Variants in ZNF714 observed in about 807,000 individuals in gnomAD.
ZNF714 encodes the protein zinc finger protein 714.
In ZNF714, 32 loss-of-function variants were observed where a neutral mutation model predicts 46.2. The observed-to-expected ratio is 0.69, with a 90% CI of 0.52 to 0.93. The LOEUF is 0.93. Ranked by LOEUF, ZNF714 falls within the 40% of genes least tolerant of loss-of-function variation. The pLI is 0.00. For synonymous variants in ZNF714, 199 were observed against 213.1 expected (o/e 0.93, Z 0.58); for missense variants, 635 against 646.3 (o/e 0.98, Z 0.19).
At chr19:21,083,243 C>T (rs761447896) in intron 1 of ZNF714, among the ~76,000 whole-genome samples, 1 of 152,172 alleles carries the variant, frequency 6.6e-6, no homozygotes, top group Non-Finnish European at 1.5e-5. Flanking sequence ...GCATGTTGGT[C>T]AGGCTGGTCT....
At chr19:21,097,201 G>A (rs563103918) in intron 2 of ZNF714, among the ~76,000 whole-genome samples, 1 of 152,238 alleles carries the variant, frequency 6.6e-6, no homozygotes, top group South Asian at 2.1e-4. Context: ...GGAAGTTCTG[G>A]AGAAAATTAT....
At chr19:21,108,377 CTA>C (rs751587089) in intron 4 of ZNF714, among the ~76,000 whole-genome samples, 20 of 152,318 alleles carry the variant, frequency 1.3e-4, no homozygotes, top group Non-Finnish European at 2.6e-4. Context: ...GTTTGGATGT[CTA>C]TGTCCTGCAA....
At chr19:21,082,387 G>C (rs1409459417) in intron 1 of ZNF714, 39 bp downstream of exon 1, 9 of 1,456,644 alleles carry the variant, frequency 6.2e-6, no homozygotes, top group Non-Finnish European at 8.4e-6. Flanking sequence ...AGAGGGGAAG[G>C]GGCGGGTTGT....
rs1969691167 is a variant in ZNF714 at position 21,120,795 on chromosome 19, A to G, written c.*2463A>G. On this transcript the variant is annotated 3_prime_UTR_variant, in exon 5 of 5. Transcript: ENST00000456283. The stretch of plus-strand genomic sequence containing the variant: ...TTTTTTGCCAGTGGCTTTAAACCGC[A>G]AATAAGTTAAAGAATATTGTTTCTG... The G allele has an allele frequency of 6.6e-6, 1 of 152,144 alleles. No individual in the cohort carries two copies. Among genetic ancestry groups the G allele is most frequent in the South Asian group, 2.1e-4 (1 of 4,824 alleles). 9.4% of individuals were successfully genotyped at this position (152,144 alleles called of 1,614,324 possible). A position where few individuals can be genotyped will look rare whatever the true frequency, so the allele number is the denominator to read the frequency against.
rs748684681 is a variant in ZNF714, at chr19:21,124,067, C to G, written c.*5735C>G. 1.3e-5 allele frequency: 2 copies of G among 152,174 alleles called. No individual in the cohort carries two copies. The highest frequency in any genetic ancestry group is 1.3e-4 in the Admixed American group (2 of 15,280). 9.4% of individuals were successfully genotyped at this position (152,174 alleles called of 1,614,324 possible). On this transcript the variant is annotated 3_prime_UTR_variant, in exon 5 of 5. Coordinates refer to ENST00000456283, the MANE Select transcript of ZNF714 (RefSeq NM_182515.4). The stretch of plus-strand genomic sequence containing the variant: ...GCTTTCATACCATTACCACCAGTAC[C>G]AGAAACTCCAGGTGGCCCAAGCTTA...
chr19:21,093,547 TG>T (rs1303430626), intron 2 of ZNF714, among the ~76,000 whole-genome samples: 23 of 152,198 alleles, frequency 1.5e-4, no homozygotes, highest in South Asian at 4.1e-4. Flanking sequence ...TTTTTGTTTT[TG>T]TTTTTTTGTT....
At chr19:21,109,509 G>A (rs1381440022) in intron 4 of ZNF714, 1 of 195,010 alleles carries the variant, frequency 5.1e-6, no homozygotes, top group Non-Finnish European at 9.3e-6. Flanking sequence ...TTTTAAATAA[G>A]TAGTTTAATT....
intron 2 of ZNF714, among the ~76,000 whole-genome samples, chr19:21,084,291 G>A (rs1366203892): frequency 6.6e-6 from 1 of 151,928 alleles, no homozygotes; most frequent in African/African-American, 2.4e-5. Context: ...CCAGCAGTCA[G>A]GATTTTTTCC....
intron 3 of ZNF714, 87 bp downstream of exon 3, chr19:21,098,398 CTTTGT>C: frequency 6.7e-7 from 1 of 1,500,046 alleles, no homozygotes. Flanking sequence ...GTAATTTATG[CTTTGT>C]ATAAATGAGT....
In ZNF714 at chr19:21,118,741, A is replaced by G; in HGVS notation, c.*409A>G. Reference sequence around the variant, plus strand: ...ACATAACATAATTCATACTGGAAAGAAACTCTGCAAACCAGAAAGATCTGG... The same window carrying G: ...ACATAACATAATTCATACTGGAAAGGAACTCTGCAAACCAGAAAGATCTGG... On this transcript the variant is annotated 3_prime_UTR_variant, in exon 5 of 5. Coordinates refer to ENST00000456283, the MANE Select transcript of ZNF714 (RefSeq NM_182515.4). The G allele has an allele frequency of 4.8e-6, 1 of 209,982 alleles. No individual in the cohort carries two copies. The allele number at this position is 209,982 out of a possible 1,614,324, so 13.0% of individuals were successfully genotyped here. A position where few individuals can be genotyped will look rare whatever the true frequency, so the allele number is the denominator to read the frequency against.
intron 3 of ZNF714, 31 bp from the exon 4 acceptor site, chr19:21,098,781 G>A (rs1969100729): frequency 6.6e-7 from 1 of 1,523,476 alleles, no homozygotes; most frequent in Non-Finnish European, 9.0e-7. Flanking sequence ...GAGAATATAA[G>A]CAAGATTTAT....
At chr19:21,083,238 T>C (rs1968699485) in intron 1 of ZNF714, among the ~76,000 whole-genome samples, 1 of 152,088 alleles carries the variant, frequency 6.6e-6, no homozygotes, top group African/African-American at 2.4e-5. Flanking sequence ...TTTCTGCATG[T>C]TGGTCAGGCT....
In ZNF714 at chr19:21,121,318, A is replaced by G. The variant is rs1969701082; in HGVS notation, c.*2986A>G. On this transcript the variant is annotated 3_prime_UTR_variant, in exon 5 of 5. Transcript: ENST00000456283. The stretch of plus-strand genomic sequence containing the variant: ...CATGATCTGCCTGCCTTGACCTCCC[A>G]AAGTGCTGGGATTACAGGCATGAGC... 1 of 152,094 alleles carries G rather than the reference A, an allele frequency of 6.6e-6. No individual in the cohort carries two copies. The highest frequency in any genetic ancestry group is 2.4e-5 in the African/African-American group (1 of 41,416). The allele number at this position is 152,094 out of a possible 1,614,324, so 9.4% of individuals were successfully genotyped here.
At chr19:21,098,484 A>T (rs1308021071) in intron 3 of ZNF714, among the ~76,000 whole-genome samples, 173 bp downstream of exon 3, 1 of 152,132 alleles carries the variant, frequency 6.6e-6, no homozygotes, top group African/African-American at 2.4e-5. Context: ...AACATGTTTC[A>T]TCCTGACCTG....
chr19:21,090,466 A>C (rs113486391), intron 2 of ZNF714, among the ~76,000 whole-genome samples: 6,951 of 152,226 alleles, frequency 0.046, 539 homozygotes, highest in African/African-American at 0.16. Context: ...AGACAGATTA[A>C]TCCAAAGAGA....
At chr19:21,115,208 A>G (rs1340385026) in intron 4 of ZNF714, among the ~76,000 whole-genome samples, 2 of 151,572 alleles carry the variant, frequency 1.3e-5, no homozygotes, top group Non-Finnish European at 3.0e-5. Flanking sequence ...CATATATTTT[A>G]TGTTGTATAT....
chr19:21,103,573 C>T, intron 4 of ZNF714, among the ~76,000 whole-genome samples: 1 of 151,842 alleles, frequency 6.6e-6, no homozygotes. Flanking sequence ...GAAGAAAAAA[C>T]AGTAAAAACA....
chr19:21,088,134 T>C (rs1047693039), intron 2 of ZNF714, among the ~76,000 whole-genome samples: 5 of 152,180 alleles, frequency 3.3e-5, no homozygotes, highest in African/African-American at 1.2e-4. Flanking sequence ...TGAACAGTGA[T>C]AGTGGCATTT....
chr19:21,103,199 T>TTTTTTTTTTTTTTTTTTTTTTTTGAGACG (rs1555700306), intron 4 of ZNF714, among the ~76,000 whole-genome samples: 1 of 151,020 alleles, frequency 6.6e-6, no homozygotes, highest in African/African-American at 2.4e-5. Context: ...AGGTAATTTT[T>TTTTTTTTTTTTTTTTTTTTTTTTGAGACG]GAGAAGATTT....
Sources: allele counts gnomAD v4.1 joint callset (sites outside exome capture counted in the v4.1 genomes callset), GRCh38; gene constraint gnomAD v4.1.1; transcripts MANE v1.5; gene names NCBI Gene and HGNC (gene_info 2026-07-23, HGNC 2026-07-21).